The following MIR2052HG variants were observed in gnomAD, a reference collection of about 807,000 sequenced individuals.
MIR2052HG encodes the protein MIR2052 host gene.
At chr8:74,602,539 T>C (rs962211657) in intron 1 of MIR2052HG, among the ~76,000 whole-genome samples, 9 of 151,332 alleles carry the variant, frequency 5.9e-5, no homozygotes, top group African/African-American at 1.2e-4. Context: ...TTTGAGACAG[T>C]CTTGCTCCAT....
At chr8:74,602,865 C>CTTTCTTTCTTTCTTTTCTTTCTTTCTT (rs879678607) in intron 1 of MIR2052HG, among the ~76,000 whole-genome samples, 1 of 142,660 alleles carries the variant, frequency 7.0e-6, no homozygotes, top group Admixed American at 7.2e-5. Context: ...TTCTTTCTTT[C>CTTTCTTTCTTTCTTTTCTTTCTTTCTT]TTTCTTTCTT....
intron 2 of MIR2052HG, among the ~76,000 whole-genome samples, chr8:74,621,053 C>G (rs1249172012): frequency 6.6e-6 from 1 of 152,218 alleles, no homozygotes; most frequent in Non-Finnish European, 1.5e-5. Flanking sequence ...CTTTGCATAG[C>G]AAGGGTGACC....
intron 4 of MIR2052HG, among the ~76,000 whole-genome samples, chr8:74,749,675 C>A (rs1238291667): frequency 6.6e-6 from 1 of 151,758 alleles, no homozygotes; most frequent in Non-Finnish European, 1.5e-5. Flanking sequence ...ATGGTGAAAC[C>A]CTGCCTCCAC....
At chr8:74,653,852 C>A (rs1259118478) in intron 2 of MIR2052HG, among the ~76,000 whole-genome samples, 1 of 152,140 alleles carries the variant, frequency 6.6e-6, no homozygotes, top group African/African-American at 2.4e-5. Context: ...TGAATATATA[C>A]TTTGAATGCT....
chr8:74,713,340 TC>T (rs761319158), intron 4 of MIR2052HG, among the ~76,000 whole-genome samples: 1 of 152,200 alleles, frequency 6.6e-6, no homozygotes, highest in Non-Finnish European at 1.5e-5. Flanking sequence ...CTAAGCCACT[TC>T]CTACAGAGCA....
At chr8:74,626,817 G>A (rs4534109) in intron 2 of MIR2052HG, among the ~76,000 whole-genome samples, 68,310 of 152,002 alleles carry the variant, frequency 0.45, 16,434 homozygotes, top group Middle Eastern at 0.63. Context: ...TCCCCAGTAC[G>A]TTGTCTACAC....
intron 2 of MIR2052HG, among the ~76,000 whole-genome samples, chr8:74,681,061 T>G (rs1456947143): frequency 2.5e-4 from 23 of 90,904 alleles, no homozygotes; most frequent in Admixed American, 1.6e-4. Flanking sequence ...TGGGGACTGT[T>G]GTGGGGTGGG....
intron 2 of MIR2052HG, among the ~76,000 whole-genome samples, chr8:74,630,046 T>G (rs183248174): frequency 4.1e-4 from 63 of 152,304 alleles, no homozygotes; most frequent in African/African-American, 1.3e-3. Context: ...AAAGAGTTGT[T>G]CGAAGGCATG....
At chr8:74,756,972 G>A (rs1437449944) in intron 5 of MIR2052HG, 3 of 152,166 alleles carry the variant, frequency 2.0e-5, no homozygotes, top group African/African-American at 7.2e-5. Flanking sequence ...GAAGGATCAG[G>A]GACTCCCAAA....
chr8:74,640,652 G>T (rs1011996399), intron 2 of MIR2052HG, among the ~76,000 whole-genome samples: 7 of 152,058 alleles, frequency 4.6e-5, no homozygotes, highest in Non-Finnish European at 1.0e-4. Flanking sequence ...GTACAAATTA[G>T]GGAAAATAAA....
At chr8:74,651,264 C>G (rs1808748805) in intron 2 of MIR2052HG, among the ~76,000 whole-genome samples, 1 of 151,480 alleles carries the variant, frequency 6.6e-6, no homozygotes, top group Non-Finnish European at 1.5e-5. Flanking sequence ...AAATTATTGA[C>G]AATTTTTGAA....
intron 4 of MIR2052HG, among the ~76,000 whole-genome samples, chr8:74,730,995 A>C (rs1457213948): frequency 6.6e-6 from 1 of 152,200 alleles, no homozygotes; most frequent in Non-Finnish European, 1.5e-5. Flanking sequence ...GTGGGAACTT[A>C]TGACTACCCA....
intron 2 of MIR2052HG, among the ~76,000 whole-genome samples, chr8:74,619,149 A>G (rs964021182): frequency 1.3e-5 from 2 of 152,212 alleles, no homozygotes; most frequent in Non-Finnish European, 2.9e-5. Context: ...AATATATCCT[A>G]TGTACCTGGA....
chr8:74,663,766 A>C (rs1808891527), intron 2 of MIR2052HG, among the ~76,000 whole-genome samples: 1 of 152,224 alleles, frequency 6.6e-6, no homozygotes, highest in Admixed American at 6.5e-5. Context: ...TAGAAAATGT[A>C]AGTAGCATTT....
intron 1 of MIR2052HG, chr8:74,604,121 C>T: frequency 2.2e-6 from 2 of 899,010 alleles, no homozygotes; most frequent in East Asian, 2.4e-5. Context: ...GCACCACTCT[C>T]CTCGCGCATC....
intron 4 of MIR2052HG, among the ~76,000 whole-genome samples, chr8:74,748,335 C>T (rs1809908561): frequency 1.3e-5 from 2 of 152,116 alleles, no homozygotes; most frequent in Admixed American, 1.3e-4. Flanking sequence ...TCCAGGAGTA[C>T]CAGCTCTGTC....
At chr8:74,708,303 G>A (rs1809431214) in intron 4 of MIR2052HG, among the ~76,000 whole-genome samples, 1 of 152,122 alleles carries the variant, frequency 6.6e-6, no homozygotes, top group South Asian at 2.1e-4. Context: ...TGTATCACAA[G>A]GAAGCATTTT....
intron 2 of MIR2052HG, among the ~76,000 whole-genome samples, chr8:74,700,227 A>G (rs1478316331): frequency 6.6e-6 from 1 of 152,238 alleles, no homozygotes; most frequent in Non-Finnish European, 1.5e-5. Flanking sequence ...CGTATTATAC[A>G]TACAGAAATA....
chr8:74,719,826 CTTCTTTTTTTTTTTTCTTTT>C (rs1586922825), intron 4 of MIR2052HG, among the ~76,000 whole-genome samples: 2 of 146,490 alleles, frequency 1.4e-5, no homozygotes, highest in Non-Finnish European at 1.5e-5. Context: ...TTCAGTGCTC[CTTCTTTTTTTTTTTTCTTTT>C]TTCTTTTTTT....
Sources: allele counts gnomAD v4.1 joint callset (sites outside exome capture counted in the v4.1 genomes callset), GRCh38; gene constraint gnomAD v4.1.1; transcripts MANE v1.5; gene names NCBI Gene and HGNC (gene_info 2026-07-23, HGNC 2026-07-21).